The following ZDHHC20 variants were observed in gnomAD, a reference collection of about 807,000 sequenced individuals.
ZDHHC20 encodes palmitoyltransferase ZDHHC20.
Under a neutral mutation model 57.8 loss-of-function variants are expected in ZDHHC20, and 43 were observed. That is an observed-to-expected ratio of 0.74 (90% CI 0.58 to 0.96). The LOEUF is 0.96. ZDHHC20 is among the 40% of genes least tolerant of loss of function. ZDHHC20 has a pLI of 0.00. For synonymous variants in ZDHHC20, 157 were observed against 153.0 expected (o/e 1.03, Z -0.19); for missense variants, 391 against 441.1 (o/e 0.89, Z 1.02).
In ZDHHC20 at chr13:21,376,161, T is replaced by C. The variant is rs1872039778; in HGVS notation, c.*535A>G. The C allele has an allele frequency of 2.0e-5, 3 of 152,240 alleles. No individual in the cohort carries two copies. Among genetic ancestry groups the C allele is most frequent in the African/African-American group, 7.2e-5 (3 of 41,450 alleles). The allele number at this position is 152,240 out of a possible 1,614,324, so 9.4% of individuals were successfully genotyped here. ...ATTAAAAATGTTGAAAAGTATAAAA[T>C]AGTAATTATAAATTAGCAAATACCC... On this transcript the variant is annotated 3_prime_UTR_variant, in exon 13 of 13. Transcript: ENST00000400590.
At chr13:21,457,754 T>C (rs182889475) in intron 1 of ZDHHC20, among the ~76,000 whole-genome samples, 6 of 152,340 alleles carry the variant, frequency 3.9e-5, no homozygotes, top group Non-Finnish European at 7.3e-5. Flanking sequence ...AAATACTTGG[T>C]TGAAAGCTGT....
chr13:21,434,338 T>A (rs374810705), intron 1 of ZDHHC20, among the ~76,000 whole-genome samples: 2 of 147,738 alleles, frequency 1.4e-5, no homozygotes, highest in African/African-American at 4.9e-5. Flanking sequence ...ATAATGACAA[T>A]AACACTGCCA....
At chr13:21,377,121 A>T in intron 12 of ZDHHC20, 1 of 165,160 alleles carries the variant, frequency 6.1e-6, no homozygotes, top group South Asian at 1.5e-4. Context: ...CCACAGCTCC[A>T]GCTCTTGGTG....
chr13:21,402,898 A>C (rs778401743), intron 4 of ZDHHC20, 32 bp from the exon 5 acceptor site: 2 of 1,517,448 alleles, frequency 1.3e-6, no homozygotes, highest in South Asian at 2.4e-5. Flanking sequence ...AAGATGCTGA[A>C]GGATGTACAA....
At chr13:21,423,867 C>T (rs991768857) in intron 2 of ZDHHC20, among the ~76,000 whole-genome samples, 2 of 151,756 alleles carry the variant, frequency 1.3e-5, no homozygotes, top group African/African-American at 4.8e-5. Context: ...ATAGTTTTGC[C>T]TAGACCCCAT....
chr13:21,415,803 T>C (rs1368549748), intron 3 of ZDHHC20, among the ~76,000 whole-genome samples: 1 of 152,188 alleles, frequency 6.6e-6, no homozygotes, highest in African/African-American at 2.4e-5. Context: ...AGATTCCTTA[T>C]AAAACTTCAA....
At chr13:21,408,148 T>G (rs1480222412) in intron 4 of ZDHHC20, among the ~76,000 whole-genome samples, 1 of 152,228 alleles carries the variant, frequency 6.6e-6, no homozygotes, top group Non-Finnish European at 1.5e-5. Flanking sequence ...TTTTTCTAAT[T>G]CTGTGAAGAA....
chr13:21,437,912 C>G (rs1160491466), intron 1 of ZDHHC20, among the ~76,000 whole-genome samples: 1 of 152,156 alleles, frequency 6.6e-6, no homozygotes, highest in Non-Finnish European at 1.5e-5. Context: ...AGGATGGTCT[C>G]GATCTCCTGA....
intron 1 of ZDHHC20, among the ~76,000 whole-genome samples, chr13:21,445,291 G>C (rs1883580253): frequency 6.6e-6 from 1 of 152,090 alleles, no homozygotes; most frequent in South Asian, 2.1e-4. Context: ...ATGTGGATCT[G>C]AGCTTTGGTT....
chr13:21,379,981 A>T (rs961555613), intron 11 of ZDHHC20, among the ~76,000 whole-genome samples: 1 of 150,790 alleles, frequency 6.6e-6, no homozygotes, highest in African/African-American at 2.4e-5. Flanking sequence ...TCGCCCGTCT[A>T]ATTTTTTGTA....
At chr13:21,425,512 C>T (rs2137926483) in intron 2 of ZDHHC20, 140 bp downstream of exon 2, 1 of 576,404 alleles carries the variant, frequency 1.7e-6, no homozygotes, top group Non-Finnish European at 2.7e-6. Context: ...ACTAGATCTC[C>T]TTTTAATTAC....
chr13:21,411,120 C>T (rs1879159365), intron 4 of ZDHHC20, among the ~76,000 whole-genome samples: 1 of 152,168 alleles, frequency 6.6e-6, no homozygotes, highest in African/African-American at 2.4e-5. Context: ...GGAGGGAGTT[C>T]CCCGACCCCT....
intron 9 of ZDHHC20, among the ~76,000 whole-genome samples, chr13:21,386,496 A>G (rs901590831): frequency 2.0e-5 from 3 of 152,208 alleles, no homozygotes; most frequent in Admixed American, 6.5e-5. Flanking sequence ...AGTTATCACA[A>G]TTTCTTATTA....
At chr13:21,433,623 G>T (rs1455551670) in intron 1 of ZDHHC20, among the ~76,000 whole-genome samples, 1 of 150,338 alleles carries the variant, frequency 6.7e-6, no homozygotes, top group Non-Finnish European at 1.5e-5. Context: ...TCTGGTGGGG[G>T]TGGGAGGCGG....
intron 9 of ZDHHC20, among the ~76,000 whole-genome samples, chr13:21,383,560 T>G (rs1164444934): frequency 6.6e-6 from 1 of 152,212 alleles, no homozygotes; most frequent in African/African-American, 2.4e-5. Flanking sequence ...ATAATTTACA[T>G]ACATTTAGAA....
At chr13:21,411,735 G>T (rs534618294) in intron 4 of ZDHHC20, among the ~76,000 whole-genome samples, 1 of 152,192 alleles carries the variant, frequency 6.6e-6, no homozygotes, top group East Asian at 1.9e-4. Flanking sequence ...GTAGCTAGAA[G>T]AATGACGGTG....
chr13:21,378,573 T>TA (rs1491524860), intron 12 of ZDHHC20, 88 bp downstream of exon 12: 3 of 745,878 alleles, frequency 4.0e-6, no homozygotes, highest in South Asian at 6.3e-5. Context: ...TTAAAAAGAC[T>TA]AAAAAAATAC....
At chr13:21,411,124 G>A (rs1480792104) in intron 4 of ZDHHC20, among the ~76,000 whole-genome samples, 2 of 152,116 alleles carry the variant, frequency 1.3e-5, no homozygotes, top group Admixed American at 1.3e-4. Context: ...GGAGTTCCCC[G>A]ACCCCTTGTG....
chr13:21,379,978 T>A (rs1020183978), intron 11 of ZDHHC20, among the ~76,000 whole-genome samples: 4 of 143,230 alleles, frequency 2.8e-5, no homozygotes, highest in African/African-American at 1.0e-4. Context: ...ACCTCGCCCG[T>A]CTAATTTTTT....
Sources: allele counts gnomAD v4.1 joint callset (sites outside exome capture counted in the v4.1 genomes callset), GRCh38; gene constraint gnomAD v4.1.1; transcripts MANE v1.5; gene names NCBI Gene and HGNC (gene_info 2026-07-23, HGNC 2026-07-21).